CSNK1D: variants seen among roughly 807,000 people sequenced by gnomAD.
CSNK1D encodes casein kinase I isoform delta.
Under a neutral mutation model 46.6 loss-of-function variants are expected in CSNK1D, and 16 were observed. The ratio of observed to expected loss-of-function variants is 0.34; its 90% CI spans 0.23 to 0.52. The LOEUF (loss-of-function observed/expected upper bound fraction) is 0.52. CSNK1D is among the 20% of genes least tolerant of loss of function. The pLI is 0.95. For synonymous variants in CSNK1D, 276 were observed against 228.2 expected (o/e 1.21, Z -1.89); for missense variants, 398 against 578.4 (o/e 0.69, Z 3.20).
intron 8 of CSNK1D, 78 bp from the exon 9 acceptor site, chr17:82,244,909 T>C: frequency 6.3e-7 from 1 of 1,595,812 alleles, no homozygotes; most frequent in Non-Finnish European, 8.6e-7. Flanking sequence ...GTGACGGTGC[T>C]GGGCAGGGAG....
intron 1 of CSNK1D, among the ~76,000 whole-genome samples, chr17:82,268,727 T>C (rs1269844414): frequency 6.6e-6 from 1 of 152,208 alleles, no homozygotes; most frequent in Non-Finnish European, 1.5e-5. Flanking sequence ...AGGGCTTTCC[T>C]CAGTCCGTGT....
In CSNK1D at chr17:82,255,249, G is replaced by C; in HGVS notation, c.336+180C>G. ...CCGGAGCCTCGAGAAGCCAGTGAGC[G>C]GAGCCACCGGAGCCTCGAGAAGCCA... On this transcript the variant is annotated intron_variant, in intron 3 of 8. Coordinates refer to ENST00000314028, the MANE Select transcript of CSNK1D (RefSeq NM_001893.6). This position sits in a 1 kb window ranked among gnomAD's most constrained non-coding sequence, Gnocchi z 5.9. 1 of 636,806 alleles carries C rather than the reference G, an allele frequency of 1.6e-6. No homozygotes were observed. The highest frequency in any genetic ancestry group is 1.6e-5 in the South Asian group (1 of 61,644). The allele number at this position is 636,806 out of a possible 1,614,324, so 39.4% of individuals were successfully genotyped here. A position where few individuals can be genotyped will look rare whatever the true frequency, so the allele number is the denominator to read the frequency against.
At position 82,243,195 on chromosome 17, in the gene CSNK1D, G is replaced by C. The variant is rs2050770713; in HGVS notation, c.*1586C>G. On this transcript the variant is annotated 3_prime_UTR_variant, in exon 9 of 9. Coordinates refer to ENST00000314028, the MANE Select transcript of CSNK1D (RefSeq NM_001893.6). Reference sequence around the variant, plus strand: ...GGCAGACGGCCAGCCAGCTGGTGGGGGGGTGAACAACTGTGTTCTGGGACG... The same window carrying C: ...GGCAGACGGCCAGCCAGCTGGTGGGCGGGTGAACAACTGTGTTCTGGGACG... 1.0e-6 allele frequency: 1 copy of C among 985,552 alleles called. No individual in the cohort carries two copies. Among genetic ancestry groups the C allele is most frequent in the Admixed American group, 6.2e-5 (1 of 16,260 alleles). 61.1% of individuals were successfully genotyped at this position (985,552 alleles called of 1,614,324 possible).
intron 8 of CSNK1D, chr17:82,245,677 C>G (rs1208246761): frequency 4.7e-6 from 2 of 425,426 alleles, no homozygotes; most frequent in Non-Finnish European, 8.8e-6. Flanking sequence ...CGGGTGGGCA[C>G]CCAGGACAGG....
At chr17:82,247,855 T>C (rs943811765) in intron 8 of CSNK1D, 2 of 985,194 alleles carry the variant, frequency 2.0e-6, no homozygotes, top group African/African-American at 3.5e-5. Flanking sequence ...TACAAAAAGG[T>C]CTGTTTCTAG....
At position 82,252,227 on chromosome 17, in the gene CSNK1D, G is replaced by A. The variant is rs1358751992; in HGVS notation, c.736+207C>T. On this transcript the variant is annotated intron_variant, in intron 5 of 8. Coordinates refer to ENST00000314028, the MANE Select transcript of CSNK1D (RefSeq NM_001893.6). The surrounding 1 kb of genome is among the most constrained non-coding windows in gnomAD (Gnocchi z 4.6). ...TCCAGGGCCTCCAAGTACTCCCCAC[G>A]CTGATGGGCACTTGGCAAGTAAGTC... Among the ~76,000 whole-genome samples the A allele has an allele frequency of 2.0e-5, 3 of 152,296 alleles. No individual in the cohort carries two copies. Among genetic ancestry groups the A allele is most frequent in the South Asian group, 2.1e-4 (1 of 4,826 alleles).
At chr17:82,241,123 TG>T (rs1369658132), downstream of CSNK1D, among the ~76,000 whole-genome samples, 1 of 104,406 alleles carries the variant, frequency 9.6e-6, no homozygotes, top group Non-Finnish European at 2.1e-5. Context: ...CTACTTGGGG[TG>T]GGGGTGGGGG....
At chr17:82,267,653 C>G (rs570343354) in intron 1 of CSNK1D, among the ~76,000 whole-genome samples, 3 of 152,216 alleles carry the variant, frequency 2.0e-5, no homozygotes, top group Non-Finnish European at 4.4e-5. Context: ...ATGACTTCAT[C>G]GAAAAATGTA....
In CSNK1D at chr17:82,244,801, G is replaced by A. The variant is rs1169701746; in HGVS notation, c.1228C>T (p.Gln410Ter). 3 of 1,613,832 alleles carry A rather than the reference G, an allele frequency of 1.9e-6. No homozygotes were observed. The African/African-American group carries it at 4.0e-5, about 22-fold the overall frequency. The change falls in exon 9 of 9, where the codon CAG (glutamine) becomes TAG (stop). Residue 410 changes from glutamine (Q) to a stop codon, truncating the protein, a stop_gained. Coordinates refer to ENST00000314028, the MANE Select transcript of CSNK1D (RefSeq NM_001893.6). LOFTEE classifies it high-confidence loss of function. ...AGTTCTCATCGGTGCACGACAGACT[G>A]AAGACCACTGGAAGCCACCCGACCA... The part of the protein sequence containing the change: ...IPGRVASSGL[Q>*]SVVHR
rs748192055 is a variant in CSNK1D at position 82,273,284 on chromosome 17, G to A, written c.76+22C>T. Reference sequence around the variant, plus strand: ...GCAGGGCCCGGGTCTTCGGGCGGCGGGCGGGGGCGGCGGGGCCTCACCGAG... The same window carrying A: ...GCAGGGCCCGGGTCTTCGGGCGGCGAGCGGGGGCGGCGGGGCCTCACCGAG... On this transcript the variant is annotated intron_variant, in intron 1 of 8. Coordinates refer to ENST00000314028, the MANE Select transcript of CSNK1D (RefSeq NM_001893.6). This position sits in a 1 kb window ranked among gnomAD's most constrained non-coding sequence, Gnocchi z 5.1. 1.3e-6 allele frequency: 2 copies of A among 1,596,992 alleles called. No individual in the cohort carries two copies. The highest frequency in any genetic ancestry group is 1.1e-5 in the South Asian group (1 of 89,982).
rs940100845 is a variant in CSNK1D, at chr17:82,248,948, C to T, written c.1124G>A (p.Arg375His). Residue 375 changes from arginine to histidine, a missense_variant, in exon 8 of 9, where the codon CGC (arginine) becomes CAC (histidine). Physicochemically the swap from Arg to His is conservative, Grantham distance 29 (BLOSUM62 0). This residue lies in a region of CSNK1D where 181 missense variants were observed against 208.0 expected (regional missense o/e 0.87). Coordinates refer to ENST00000314028, the MANE Select transcript of CSNK1D (RefSeq NM_001893.6). This position sits in a 1 kb window ranked among gnomAD's most constrained non-coding sequence, Gnocchi z 4.1. ...RERKVSMRLHRGAPVNISSSD... is the reference protein window; with the variant it reads ...RERKVSMRLHHGAPVNISSSD... ...CGAGGAGATGTTGACGGGGGCCCCG[C>T]GGTGCAGCCGCATACTCACTTTCCG... 6.3e-7 allele frequency: 1 copy of T among 1,598,042 alleles called. No individual in the cohort carries two copies. The highest frequency in any genetic ancestry group is 1.7e-5 in the Admixed American group (1 of 58,408).
intron 8 of CSNK1D, chr17:82,245,987 T>C (rs1269344325): frequency 6.2e-7 from 1 of 1,606,618 alleles, no homozygotes; most frequent in Admixed American, 1.7e-5. Flanking sequence ...CAGTGCTGCC[T>C]TCCGATGGGA....
chr17:82,250,920 C>T lies in CSNK1D; in HGVS notation c.885+459G>A, dbSNP rs974550866. 6 of 253,714 alleles carry T rather than the reference C, an allele frequency of 2.4e-5. No individual in the cohort carries two copies. Among genetic ancestry groups the T allele is most frequent in the South Asian group, 2.2e-4 (5 of 23,180 alleles). The allele number at this position is 253,714 out of a possible 1,614,324, so 15.7% of individuals were successfully genotyped here. On this transcript the variant is annotated intron_variant, in intron 6 of 8. Coordinates refer to ENST00000314028, the MANE Select transcript of CSNK1D (RefSeq NM_001893.6). This position sits in a 1 kb window ranked among gnomAD's most constrained non-coding sequence, Gnocchi z 4.6. Reference sequence around the variant, plus strand: ...TAGAGGCTCCACTGCATACTCACACCGCATCAAGAAAGCCACAGGGAAAAT... The same window carrying T: ...TAGAGGCTCCACTGCATACTCACACTGCATCAAGAAAGCCACAGGGAAAAT...
intron 2 of CSNK1D, among the ~76,000 whole-genome samples, chr17:82,260,397 T>G (rs1421305990): frequency 1.3e-5 from 2 of 149,170 alleles, no homozygotes; most frequent in African/African-American, 5.0e-5. Context: ...TACTGACTGA[T>G]GGTGTACTGA....
At chr17:82,261,407 G>T (rs1170217397) in intron 2 of CSNK1D, among the ~76,000 whole-genome samples, 1 of 152,128 alleles carries the variant, frequency 6.6e-6, no homozygotes, top group South Asian at 2.1e-4. Flanking sequence ...AAACATATGC[G>T]TGGGGATAAA....
At chr17:82,269,399 A>T (rs1258904550) in intron 1 of CSNK1D, among the ~76,000 whole-genome samples, 3 of 152,190 alleles carry the variant, frequency 2.0e-5, no homozygotes, top group Admixed American at 2.0e-4. Context: ...CAGAAGCTAC[A>T]GGAAGAACAG....
chr17:82,247,589 T>C (rs2050882888), intron 8 of CSNK1D: 2 of 985,266 alleles, frequency 2.0e-6, no homozygotes, highest in Non-Finnish European at 2.4e-6. Flanking sequence ...CAGCCGCACA[T>C]CAAGACACGA....
chr17:82,248,522 C>A lies in CSNK1D; in HGVS notation c.1197+353G>T, dbSNP rs574083887. ...GAGGAAGGCTCCCTCGGGCTGGGGG[C>A]ACCCACAATGGGGCGCAAGCAGGCG... is the stretch of plus-strand genomic sequence containing the variant. On this transcript the variant is annotated intron_variant, in intron 8 of 8. Coordinates refer to ENST00000314028, the MANE Select transcript of CSNK1D (RefSeq NM_001893.6). The surrounding 1 kb of genome is among the most constrained non-coding windows in gnomAD (Gnocchi z 4.1). The A allele has an allele frequency of 4.1e-5, 46 of 1,122,284 alleles. No homozygotes were observed. In the East Asian group the frequency reaches 5.5e-4, roughly 13 times the overall value. 69.5% of individuals were successfully genotyped at this position (1,122,284 alleles called of 1,614,324 possible).
At chr17:82,269,156 G>A (rs1324423136) in intron 1 of CSNK1D, among the ~76,000 whole-genome samples, 1 of 151,388 alleles carries the variant, frequency 6.6e-6, no homozygotes, top group East Asian at 1.9e-4. Flanking sequence ...CCAGAGTGTG[G>A]CCCTGTCCTG....
Sources: allele counts gnomAD v4.1 joint callset (sites outside exome capture counted in the v4.1 genomes callset), GRCh38; gene constraint gnomAD v4.1.1; regional missense constraint gnomAD v4.1.1; non-coding constraint Gnocchi (gnomAD v3.1); transcripts MANE v1.5; gene names NCBI Gene and HGNC (gene_info 2026-07-23, HGNC 2026-07-21).